The following PITPNA variants were observed in gnomAD, a reference collection of about 807,000 sequenced individuals.
PITPNA encodes phosphatidylinositol transfer protein alpha.
In PITPNA, 13 loss-of-function variants were observed where a neutral mutation model predicts 50.3. The observed-to-expected ratio is 0.26, with a 90% confidence interval of 0.17 to 0.41. The LOEUF (loss-of-function observed/expected upper bound fraction) is 0.41, where lower values mean the gene tolerates loss of function less well. Ranked by LOEUF, PITPNA falls within the 10% of genes least tolerant of loss-of-function variation. PITPNA has a pLI of 1.00. For synonymous variants in PITPNA, 120 were observed against 119.6 expected, an observed-to-expected ratio of 1.00 and a Z score of -0.02; for missense variants, 207 against 333.4, an observed-to-expected ratio of 0.62 and a Z score of 2.95.
At chr17:1,542,654 G>A (rs1456912807) in intron 5 of PITPNA, among the ~76,000 whole-genome samples, 1 of 152,198 alleles carries the variant, frequency 6.6e-6, no homozygotes, top group Non-Finnish European at 1.5e-5. Flanking sequence ...CTTTGCCAAG[G>A]ATCAGTGCTC....
At chr17:1,535,686 C>G (rs766269328) in intron 7 of PITPNA, 168 bp from the exon 8 acceptor site, 19 of 625,340 alleles carry the variant, frequency 3.0e-5, no homozygotes, top group African/African-American at 2.2e-4. Context: ...TTACATTAGC[C>G]TCAGAGGAGA....
At chr17:1,531,481 G>C (rs1467355246) in intron 10 of PITPNA, among the ~76,000 whole-genome samples, 1 of 152,106 alleles carries the variant, frequency 6.6e-6, no homozygotes, top group Non-Finnish European at 1.5e-5. Flanking sequence ...AGTGAGCCGA[G>C]ATCGTGCCAC....
At chr17:1,552,427 G>A (rs1406553140) in intron 3 of PITPNA, among the ~76,000 whole-genome samples, 5 of 152,164 alleles carry the variant, frequency 3.3e-5, no homozygotes, top group Non-Finnish European at 7.3e-5. Context: ...GCAAATTTGT[G>A]TAGTTTGATA....
chr17:1,532,574 C>T (rs1048037124), intron 10 of PITPNA, among the ~76,000 whole-genome samples: 1 of 152,198 alleles, frequency 6.6e-6, no homozygotes, highest in Admixed American at 6.5e-5. Flanking sequence ...CCCCAACATA[C>T]GTCATGCTGG....
rs1341456335 is a variant in PITPNA at position 1,519,795 on chromosome 17, G to C, written c.*766C>G. ...CACACTGGACAATTCCCTCCAAGTG[G>C]AGAGTTGACTGGGGCGATTTTGTAG... On this transcript the variant is annotated 3_prime_UTR_variant, in exon 12 of 12. Transcript: ENST00000313486. The C allele has an allele frequency of 1.3e-5, 2 of 152,390 alleles. No homozygotes were observed. The highest frequency in any genetic ancestry group is 2.9e-5 in the Non-Finnish European group (2 of 68,116). 9.4% of individuals were successfully genotyped at this position (152,390 alleles called of 1,614,324 possible).
chr17:1,555,122 G>C (rs2075728783), intron 2 of PITPNA, among the ~76,000 whole-genome samples: 1 of 152,212 alleles, frequency 6.6e-6, no homozygotes, highest in Admixed American at 6.5e-5. Flanking sequence ...TGGGGAGAGG[G>C]CCTGGTGGAG....
intron 7 of PITPNA, chr17:1,535,785 C>T (rs894037899): frequency 1.9e-5 from 9 of 465,320 alleles, no homozygotes; most frequent in Admixed American, 3.7e-5. Flanking sequence ...ACATATTTAC[C>T]GTGTTGAAGA....
At chr17:1,548,615 C>A (rs1329019932) in intron 3 of PITPNA, among the ~76,000 whole-genome samples, 1 of 152,156 alleles carries the variant, frequency 6.6e-6, no homozygotes, top group African/African-American at 2.4e-5. Flanking sequence ...CAGGACCACA[C>A]AAGAGACCCC....
chr17:1,539,473 C>G (rs1405248461), intron 6 of PITPNA, among the ~76,000 whole-genome samples: 2 of 145,382 alleles, frequency 1.4e-5, no homozygotes, highest in Non-Finnish European at 3.0e-5. Flanking sequence ...AGGAGCTGGG[C>G]CTGAGTGATC....
chr17:1,550,913 C>A (rs750487899), intron 3 of PITPNA, among the ~76,000 whole-genome samples: 4 of 152,194 alleles, frequency 2.6e-5, no homozygotes, highest in Admixed American at 1.3e-4. Context: ...CTGTAGTAAT[C>A]CAGGCAAGAG....
intron 10 of PITPNA, among the ~76,000 whole-genome samples, chr17:1,533,082 TG>T (rs1397685836): frequency 2.0e-5 from 3 of 152,150 alleles, no homozygotes; most frequent in Non-Finnish European, 4.4e-5. Context: ...GAGAGCTGAG[TG>T]GGCTGTTGCA....
In PITPNA at chr17:1,556,356, G is replaced by A. The variant is rs193211073; in HGVS notation, c.51+2173C>T. ...CTTCAGGCTCTGATTACTCAACTCC[G>A]CCCCACCACTTCCTCAATGCTGCAG... is the stretch of plus-strand genomic sequence containing the variant. On this transcript the variant is annotated intron_variant, in intron 2 of 11. Transcript: ENST00000313486. Among the ~76,000 whole-genome samples, 117 of 152,060 alleles carry A rather than the reference G, an allele frequency of 7.7e-4. 1 individual carries two copies. Among genetic ancestry groups the A allele is most frequent in the African/African-American group, 2.7e-3 (113 of 41,390 alleles).
chr17:1,555,695 A>G (rs139519902), intron 2 of PITPNA, among the ~76,000 whole-genome samples: 207 of 152,302 alleles, frequency 1.4e-3, no homozygotes, highest in African/African-American at 4.8e-3. Flanking sequence ...CATAAACAAC[A>G]GTACAGCTTT....
chr17:1,540,354 G>A (rs1230437402), intron 6 of PITPNA, among the ~76,000 whole-genome samples: 2 of 151,958 alleles, frequency 1.3e-5, no homozygotes, highest in African/African-American at 2.4e-5. Context: ...CTTGTCCCTC[G>A]TCCCCAGTCT....
intron 11 of PITPNA, among the ~76,000 whole-genome samples, chr17:1,521,370 C>T (rs571323455): frequency 1.1e-4 from 17 of 152,222 alleles, no homozygotes; most frequent in African/African-American, 3.9e-4. Context: ...TCCATTGTCT[C>T]TATCTGGGTG....
chr17:1,552,955 C>T, intron 3 of PITPNA, 49 bp downstream of exon 3: 2 of 1,571,488 alleles, frequency 1.3e-6, no homozygotes, highest in Non-Finnish European at 8.7e-7. Context: ...AACACTCATT[C>T]ACACACACAC....
chr17:1,554,575 T>C (rs2075726248), intron 2 of PITPNA, among the ~76,000 whole-genome samples: 1 of 151,962 alleles, frequency 6.6e-6, no homozygotes, highest in East Asian at 1.9e-4. Flanking sequence ...ACAGAAAGGA[T>C]GTATCTCTAG....
chr17:1,521,340 T>C (rs2075510915), intron 11 of PITPNA, among the ~76,000 whole-genome samples: 1 of 146,028 alleles, frequency 6.8e-6, no homozygotes, highest in Non-Finnish European at 1.5e-5. Flanking sequence ...TCCCCTTCTA[T>C]ATCCACCACC....
At chr17:1,530,838 C>T (rs956608919) in intron 10 of PITPNA, among the ~76,000 whole-genome samples, 6 of 152,318 alleles carry the variant, frequency 3.9e-5, no homozygotes, top group African/African-American at 1.4e-4. Flanking sequence ...GCAGCAAAAG[C>T]TGAACCTAAG....
Sources: allele counts gnomAD v4.1 joint callset (sites outside exome capture counted in the v4.1 genomes callset), GRCh38; gene constraint gnomAD v4.1.1; transcripts MANE v1.5; gene names NCBI Gene and HGNC (gene_info 2026-07-23, HGNC 2026-07-21).